The following LRP1B variants were observed in gnomAD, a reference collection of about 807,000 sequenced individuals.
LRP1B encodes low-density lipoprotein receptor-related protein 1B.
LRP1B carries 217 observed loss-of-function variants against 556.6 expected under a neutral mutation model. That is an observed-to-expected ratio of 0.39 (90% CI 0.35 to 0.44). The LOEUF is 0.44. Ranked by LOEUF, LRP1B falls within the 20% of genes least tolerant of loss-of-function variation. The probability of loss-of-function intolerance (pLI) is 1.00; values close to 1 mark genes in which losing one functional copy is unlikely to be tolerated. For missense variants in LRP1B, 5,053 were observed against 5,620.8 expected, an observed-to-expected ratio of 0.90 and a Z score of 3.23; for synonymous variants, 2,047 against 1,865.8, an observed-to-expected ratio of 1.10 and a Z score of -2.50.
chr2:141,675,341 A>G (rs1485755219), intron 2 of LRP1B, among the ~76,000 whole-genome samples: 1 of 151,924 alleles, frequency 6.6e-6, no homozygotes, highest in East Asian at 1.9e-4. Flanking sequence ...TAAAGTTACA[A>G]AAATAATTCT....
intron 49 of LRP1B, among the ~76,000 whole-genome samples, chr2:140,525,489 T>C (rs1330000417): frequency 1.3e-5 from 2 of 151,990 alleles, no homozygotes; most frequent in African/African-American, 2.4e-5. Flanking sequence ...AGGCCAGTCG[T>C]AAGAAACATT....
At chr2:140,930,024 A>G (rs1695004398) in intron 20 of LRP1B, among the ~76,000 whole-genome samples, 2 of 152,046 alleles carry the variant, frequency 1.3e-5, no homozygotes, top group Admixed American at 1.3e-4. Context: ...ATGGAGAGCT[A>G]CATCCCTCTG....
intron 75 of LRP1B, 68 bp from the exon 76 acceptor site, chr2:140,353,140 C>G: frequency 3.3e-6 from 5 of 1,515,228 alleles, no homozygotes; most frequent in Non-Finnish European, 3.6e-6. Context: ...TACCACGTTT[C>G]AAAAAAGCCA....
chr2:140,670,672 A>G (rs78867703), intron 41 of LRP1B, among the ~76,000 whole-genome samples: 2,056 of 106,512 alleles, frequency 0.019, 40 homozygotes, highest in Admixed American at 0.074. Flanking sequence ...TTTTAAAAAA[A>G]TAAGTCATCG....
chr2:141,470,404 T>G (rs4073067), intron 3 of LRP1B, among the ~76,000 whole-genome samples: 12,361 of 152,262 alleles, frequency 0.081, 691 homozygotes, highest in South Asian at 0.26. Flanking sequence ...CAGCACATTT[T>G]TTTCCTTTTC....
intron 54 of LRP1B, among the ~76,000 whole-genome samples, 171 bp downstream of exon 54, chr2:140,502,792 A>C (rs965619425): frequency 1.3e-5 from 2 of 152,032 alleles, no homozygotes; most frequent in African/African-American, 4.8e-5. Flanking sequence ...TAAATTTCCA[A>C]AACTAGCTTC....
chr2:140,611,309 T>C (rs1435934975), intron 41 of LRP1B, among the ~76,000 whole-genome samples: 2 of 152,168 alleles, frequency 1.3e-5, no homozygotes, highest in African/African-American at 4.8e-5. Context: ...AATTTTAGTA[T>C]AACTTGTAGG....
At chr2:141,294,557 T>C (rs2105416458) in intron 3 of LRP1B, among the ~76,000 whole-genome samples, 1 of 149,580 alleles carries the variant, frequency 6.7e-6, no homozygotes, top group African/African-American at 2.4e-5. Context: ...ACCCTGACTC[T>C]ACAAAAAAAA....
At chr2:142,013,344 G>A (rs1703014156) in intron 1 of LRP1B, among the ~76,000 whole-genome samples, 2 of 152,122 alleles carry the variant, frequency 1.3e-5, no homozygotes, top group Non-Finnish European at 2.9e-5. Flanking sequence ...GAGTAGTATC[G>A]GAAGGTGATT....
In LRP1B at chr2:140,495,645, G is replaced by A. The variant is rs1227290761; in HGVS notation, c.8954C>T (p.Thr2985Ile). 1 of 1,613,862 alleles carries A rather than the reference G, an allele frequency of 6.2e-7. No individual in the cohort carries two copies. Among genetic ancestry groups the A allele is most frequent in the African/African-American group, 1.3e-5 (1 of 74,930 alleles). Residue 2985 changes from threonine (T) to isoleucine (I), a missense_variant, in exon 56 of 91, where the codon ACA (threonine) becomes ATA (isoleucine). Around this residue, in one of 5 missense-constraint regions of LRP1B, gnomAD observed 3,619 missense variants for 3,931.9 expected, o/e 0.92. Coordinates refer to ENST00000389484, the MANE Select transcript of LRP1B (RefSeq NM_018557.3). ...ACAGAGGCACTTGTAAGTCCCGTAT[G>A]TATTGATGCATTGCTGGCTACAGGG... ...GFPCSQQCIN[T>I]YGTYKCLCTD...
At chr2:141,303,852 C>T (rs1686486078) in intron 3 of LRP1B, among the ~76,000 whole-genome samples, 1 of 152,124 alleles carries the variant, frequency 6.6e-6, no homozygotes, top group African/African-American at 2.4e-5. Flanking sequence ...GTTTTCCATA[C>T]TGGCTGTACT....
At chr2:140,445,139 A>G (rs1459277566) in intron 63 of LRP1B, among the ~76,000 whole-genome samples, 2 of 151,900 alleles carry the variant, frequency 1.3e-5, no homozygotes, top group African/African-American at 4.8e-5. Flanking sequence ...CTTTTGAGAC[A>G]GAGTCTTGCT....
Position 140,506,817 on chromosome 2 carries a change from A to C in LRP1B, c.8500T>G (p.Ser2834Ala). ...TTACCACACTGCGGTGACTCATCAGAGCCATCTCCACAGTCGTCATCATGG... is the reference window on the plus strand; with the variant it reads ...TTACCACACTGCGGTGACTCATCAGCGCCATCTCCACAGTCGTCATCATGG... ...CDHDDDCGDG[S>A]DESPQCGYRQ... The change falls in exon 53 of 91, where the codon TCT (serine) becomes GCT (alanine). Residue 2834 changes from serine (S) to alanine (A), a missense_variant. By Grantham distance (99) the Ser-to-Ala change is moderately conservative. Around this residue, in one of 5 missense-constraint regions of LRP1B, gnomAD observed 3,619 missense variants for 3,931.9 expected, o/e 0.92. Transcript: ENST00000389484. 1 of 1,613,944 alleles carries C rather than the reference A, an allele frequency of 6.2e-7. No individual in the cohort carries two copies. The highest frequency in any genetic ancestry group is 1.3e-5 in the African/African-American group (1 of 75,040).
rs1419834168 is a variant in LRP1B at position 140,315,049 on chromosome 2, C to A, written c.12691G>T (p.Glu4231Ter). The A allele has an allele frequency of 6.2e-7, 1 of 1,611,494 alleles. No homozygotes were observed. Among genetic ancestry groups the A allele is most frequent in the Non-Finnish European group, 8.5e-7 (1 of 1,178,590 alleles). The change falls in exon 83 of 91, where the codon GAG becomes TAG. Residue 4231 changes from glutamate (E) to a stop codon, truncating the protein, a stop_gained. Transcript: ENST00000389484. LOFTEE classifies it high-confidence loss of function. ...CENGGRCILN[E>*]KGDLRCHCWP... The stretch of plus-strand genomic sequence containing the variant: ...CAGTGACACCTCAAATCACCTTTCT[C>A]ATTTAAAATGCATCTTCCTCCATTT...
chr2:141,530,480 C>T (rs962643995), intron 2 of LRP1B, among the ~76,000 whole-genome samples: 5 of 152,004 alleles, frequency 3.3e-5, no homozygotes, highest in Non-Finnish European at 7.4e-5. Context: ...ATTTATTATA[C>T]CAATAAATGG....
intron 2 of LRP1B, among the ~76,000 whole-genome samples, chr2:141,520,876 G>A (rs1036798588): frequency 6.6e-6 from 1 of 151,956 alleles, no homozygotes; most frequent in Non-Finnish European, 1.5e-5. Context: ...AGGTCAGTGT[G>A]CTGGTTGCCA....
chr2:141,076,418 G>A (rs1699789051), intron 7 of LRP1B, among the ~76,000 whole-genome samples: 1 of 152,146 alleles, frequency 6.6e-6, no homozygotes, highest in Non-Finnish European at 1.5e-5. Context: ...AAAGGTAAAT[G>A]TCCATGCTCT....
At position 140,239,463 on chromosome 2, in the gene LRP1B, A is replaced by C; in HGVS notation, c.13394T>G (p.Val4465Gly). 6.2e-7 allele frequency: 1 copy of C among 1,602,972 alleles called. No individual in the cohort carries two copies. ...TTACCTTCTTTTTCTTTTACAAAGC[A>C]CTAAACCAATTACTAAGGTGGTTAT... Reference protein sequence around the residue: ...TLITTLVIGLVLCKRKRRTKT... With the variant: ...TLITTLVIGLGLCKRKRRTKT... The change falls in exon 88 of 91, where the codon GTG (valine) becomes GGG (glycine). Residue 4465 changes from valine (V) to glycine (G), a missense_variant. Val to Gly is a moderately radical substitution (Grantham distance 109, BLOSUM62 -3). Transcript: ENST00000389484.
chr2:140,951,205 C>T (rs1373996345), intron 19 of LRP1B, among the ~76,000 whole-genome samples: 1 of 152,042 alleles, frequency 6.6e-6, no homozygotes, highest in Non-Finnish European at 1.5e-5. Context: ...ACATGAGAAC[C>T]CACTCTTTAC....
Sources: gnomAD v4.1 joint callset for allele counts (sites outside exome capture counted in the v4.1 genomes callset) on GRCh38, gnomAD v4.1.1 for gene constraint, gnomAD v4.1.1 regional missense constraint, MANE v1.5 for transcripts, NCBI Gene and HGNC (gene_info 2026-07-23, HGNC 2026-07-21) for gene names.